Variants in VIPR2 observed in about 807,000 individuals in gnomAD.
The protein encoded by VIPR2 is vasoactive intestinal peptide receptor 2.
In VIPR2, 48 loss-of-function variants were observed where a neutral mutation model predicts 58.0. The observed-to-expected ratio is 0.83, with a 90% CI of 0.66 to 1.05. The LOEUF is 1.05. Among genes scored for constraint, VIPR2 ranks in the 50% least tolerant of loss-of-function variants. VIPR2 has a pLI of 0.00. For missense variants in VIPR2, 534 were observed against 558.0 expected, an observed-to-expected ratio of 0.96 and a Z score of 0.43; for synonymous variants, 243 against 235.2, an observed-to-expected ratio of 1.03 and a Z score of -0.30.
intron 2 of VIPR2, among the ~76,000 whole-genome samples, chr7:159,133,281 AC>A (rs1188585590): frequency 6.6e-5 from 10 of 152,300 alleles, no homozygotes; most frequent in Non-Finnish European, 8.8e-5. Flanking sequence ...TCTCCTGGCC[AC>A]CCCCTAAACA....
rs532960886 is a variant in VIPR2, at chr7:159,090,202, A to T, written c.357+13555T>A. On this transcript the variant is annotated intron_variant, in intron 4 of 12. Transcript: ENST00000262178. ...ACAATCCCCAGTGCCCTCAGCAGAG[A>T]CACACTGGGATCACGCACAGGGGCC... Among the ~76,000 whole-genome samples the T allele has an allele frequency of 1.5e-3, 213 of 139,834 alleles. 12 individuals are homozygous for T. The highest frequency in any genetic ancestry group is 6.0e-3 in the African/African-American group (202 of 33,610). The allele number at this position is 139,834 out of a possible 152,430, so 91.7% of individuals were successfully genotyped here.
At chr7:159,059,173 T>A in intron 4 of VIPR2, 1 of 467,160 alleles carries the variant, frequency 2.1e-6, no homozygotes, top group Non-Finnish European at 4.4e-6. Flanking sequence ...TTCATGATCA[T>A]CATGGTGGCA....
intron 2 of VIPR2, among the ~76,000 whole-genome samples, chr7:159,129,312 C>T (rs1796788523): frequency 7.7e-6 from 1 of 129,348 alleles, no homozygotes; most frequent in South Asian, 2.8e-4. Flanking sequence ...CAGCTTCACA[C>T]TCTGTTCCCT....
At chr7:159,043,012 C>T (rs1316957327) in intron 6 of VIPR2, 23 bp downstream of exon 6, 5 of 1,611,690 alleles carry the variant, frequency 3.1e-6, no homozygotes, top group Non-Finnish European at 4.2e-6. Context: ...GACAGTGGGA[C>T]CCTGTGGTGG....
At chr7:159,107,557 G>A (rs1374091291) in intron 3 of VIPR2, among the ~76,000 whole-genome samples, 1 of 152,224 alleles carries the variant, frequency 6.6e-6, no homozygotes, top group Non-Finnish European at 1.5e-5. Context: ...AGTCCAGCCC[G>A]GGTGGGAAGA....
rs557213239 is a variant in VIPR2, at chr7:159,128,149, C to T, written c.151+14297G>A. Among the ~76,000 whole-genome samples, 105 of 152,234 alleles carry T rather than the reference C, an allele frequency of 6.9e-4. No individual in the cohort carries two copies. Among genetic ancestry groups the T allele is most frequent in the Non-Finnish European group, 1.4e-3 (95 of 67,988 alleles). Reference sequence around the variant, plus strand: ...CTGCCTCTGCCCCTGAGGGATGTGACGGGGGTGGGGGGACACCACCCCAGC... The same window carrying T: ...CTGCCTCTGCCCCTGAGGGATGTGATGGGGGTGGGGGGACACCACCCCAGC... On this transcript the variant is annotated intron_variant, in intron 2 of 12. Coordinates refer to ENST00000262178, the MANE Select transcript of VIPR2 (RefSeq NM_003382.5). The surrounding 1 kb of genome is among the most constrained non-coding windows in gnomAD (Gnocchi z 4.1).
Position 159,088,783 on chromosome 7 carries a change from G to A in VIPR2, c.357+14974C>T, listed in dbSNP as rs10231233. ...GCTACTCTGGTCACAGCCTGGAAACGCTGCTGGGAGAACAATCCCAGTGCC... is the reference window on the plus strand; with the variant it reads ...GCTACTCTGGTCACAGCCTGGAAACACTGCTGGGAGAACAATCCCAGTGCC... On this transcript the variant is annotated intron_variant, in intron 4 of 12. Transcript: ENST00000262178. 3.0e-3 allele frequency among the ~76,000 whole-genome samples: 458 copies of A among 152,354 alleles called. 5 individuals carry two copies. The highest frequency in any genetic ancestry group is 0.01 in the African/African-American group (419 of 41,566).
chr7:159,066,009 C>T (rs1856057046), intron 4 of VIPR2, among the ~76,000 whole-genome samples: 1 of 152,256 alleles, frequency 6.6e-6, no homozygotes, highest in African/African-American at 2.4e-5. Flanking sequence ...GGTAGGTTTT[C>T]CTTTAGGGGC....
intron 2 of VIPR2, among the ~76,000 whole-genome samples, chr7:159,113,807 T>C (rs369696880): frequency 6.6e-6 from 1 of 152,136 alleles, no homozygotes; most frequent in Admixed American, 6.5e-5. Flanking sequence ...ACAGGAGAGA[T>C]AGATCTTTAT....
intron 4 of VIPR2, among the ~76,000 whole-genome samples, chr7:159,077,992 C>G (rs1856728820): frequency 6.6e-6 from 1 of 152,246 alleles, no homozygotes; most frequent in African/African-American, 2.4e-5. Context: ...TTCCCTCACT[C>G]CCTGCAAGTT....
intron 1 of VIPR2, chr7:159,144,337 A>G (rs1240791436): frequency 6.5e-7 from 1 of 1,530,736 alleles, no homozygotes; most frequent in Middle Eastern, 1.7e-4. Flanking sequence ...TCTGCGGCCA[A>G]CGCCAACCCC....
rs117968474 is a variant in VIPR2, at chr7:159,079,181, C to T, written c.358-20603G>A. On this transcript the variant is annotated intron_variant, in intron 4 of 12. Coordinates refer to ENST00000262178, the MANE Select transcript of VIPR2 (RefSeq NM_003382.5). Reference sequence around the variant, plus strand: ...ACCTTCGCCCCAACCACGGCTCCACCCGCTCAGTGAGATTCCAAAATTGAC... The same window carrying T: ...ACCTTCGCCCCAACCACGGCTCCACTCGCTCAGTGAGATTCCAAAATTGAC... 3.3e-4 allele frequency among the ~76,000 whole-genome samples: 50 copies of T among 152,278 alleles called. 3 individuals are homozygous for T. In the East Asian group the frequency reaches 9.6e-3, roughly 29 times the overall value.
chr7:159,055,409 T>C (rs1391047925), intron 5 of VIPR2, among the ~76,000 whole-genome samples: 3 of 152,132 alleles, frequency 2.0e-5, no homozygotes, highest in Admixed American at 2.0e-4. Flanking sequence ...TCTGAACATA[T>C]ACTGCATTAG....
In VIPR2 at chr7:159,031,153, G is replaced by C. The variant is rs530853270; in HGVS notation, c.1144-364C>G. On this transcript the variant is annotated intron_variant, in intron 12 of 12. Coordinates refer to ENST00000262178, the MANE Select transcript of VIPR2 (RefSeq NM_003382.5). This position sits in a 1 kb window ranked among gnomAD's most constrained non-coding sequence, Gnocchi z 4.0. ...GCCTCCGTCTCCTTCCCTGTTCCCA[G>C]CGGGCAGGGAATGTTAGCCCTGGGA... is the stretch of plus-strand genomic sequence containing the variant. Among the ~76,000 whole-genome samples the C allele has an allele frequency of 4.6e-4, 70 of 152,310 alleles. No individual in the cohort carries two copies. Among genetic ancestry groups the C allele is most frequent in the African/African-American group, 1.6e-3 (68 of 41,574 alleles).
rs1264480172 is a variant in VIPR2 at position 159,087,478 on chromosome 7, G to A, written c.357+16279C>T. ...ACCCAGGACTTGGATAGTGAGATAC[G>A]GCTTCCCCAACAAACAATACCCAGG... On this transcript the variant is annotated intron_variant, in intron 4 of 12. Transcript: ENST00000262178. Among the ~76,000 whole-genome samples the A allele has an allele frequency of 3.9e-4, 40 of 103,430 alleles. 1 individual carries two copies. The highest frequency in any genetic ancestry group is 5.3e-4 in the Non-Finnish European group (27 of 51,380). The allele number at this position is 103,430 out of a possible 152,430, so 67.9% of individuals were successfully genotyped here. A position where few individuals can be genotyped will look rare whatever the true frequency, so the allele number is the denominator to read the frequency against.
chr7:159,093,672 C>T lies in VIPR2; in HGVS notation c.357+10085G>A, dbSNP rs1857630568. On this transcript the variant is annotated intron_variant, in intron 4 of 12. Transcript: ENST00000262178. This position sits in a 1 kb window ranked among gnomAD's most constrained non-coding sequence, Gnocchi z 6.7. The stretch of plus-strand genomic sequence containing the variant: ...CCCTGGGTCCAGACATGGAAGACCC[C>T]ACAGCGTCCCTGGGTTCGGAGATGG... Among the ~76,000 whole-genome samples the T allele has an allele frequency of 1.3e-5, 2 of 152,030 alleles. No individual in the cohort carries two copies. Among genetic ancestry groups the T allele is most frequent in the African/African-American group, 2.4e-5 (1 of 41,408 alleles).
intron 2 of VIPR2, among the ~76,000 whole-genome samples, chr7:159,135,438 A>T (rs1351908171): frequency 2.0e-5 from 3 of 152,154 alleles, no homozygotes; most frequent in Non-Finnish European, 2.9e-5. Flanking sequence ...TCCGTTTCAA[A>T]AAATAAATAA....
chr7:159,126,260 C>T (rs1439427692), intron 2 of VIPR2, among the ~76,000 whole-genome samples: 2 of 152,210 alleles, frequency 1.3e-5, no homozygotes, highest in East Asian at 1.9e-4. Context: ...GTAATTCTAA[C>T]ACAAACAGTG....
chr7:159,101,884 A>T (rs1858283848), intron 4 of VIPR2, among the ~76,000 whole-genome samples: 1 of 137,056 alleles, frequency 7.3e-6, no homozygotes, highest in African/African-American at 2.9e-5. Context: ...TTCCTGTGGT[A>T]GTGAACGGGT....
Sources: allele counts gnomAD v4.1 joint callset (sites outside exome capture counted in the v4.1 genomes callset), GRCh38; gene constraint gnomAD v4.1.1; non-coding constraint Gnocchi (gnomAD v3.1); transcripts MANE v1.5; gene names NCBI Gene and HGNC (gene_info 2026-07-23, HGNC 2026-07-21).